The following SMARCA2 variants were observed in gnomAD, a reference collection of about 807,000 sequenced individuals.
SMARCA2 encodes SWI/SNF related BAF chromatin remodeling complex subunit ATPase 2.
A neutral mutation model predicts 199.8 loss-of-function variants in SMARCA2; 61 were observed. That is an observed-to-expected ratio of 0.31 (90% confidence interval 0.25 to 0.38). SMARCA2 has a LOEUF of 0.38. SMARCA2 is among the 10% of genes least tolerant of loss of function. The probability of loss-of-function intolerance (pLI) is 1.00; values close to 1 mark genes in which losing one functional copy is unlikely to be tolerated. For missense variants in SMARCA2, 1,344 were observed against 2,012.2 expected (o/e 0.67, Z 6.35); for synonymous variants, 935 against 732.0 (o/e 1.28, Z -4.48).
chr9:2,182,992 T>C (rs534594935), intron 31 of SMARCA2, among the ~76,000 whole-genome samples: 24 of 152,230 alleles, frequency 1.6e-4, no homozygotes, highest in South Asian at 4.1e-4. Flanking sequence ...GGTTTCACCA[T>C]GTTAGCCAGG....
intron 27 of SMARCA2, chr9:2,160,266 C>T: frequency 2.5e-6 from 1 of 393,838 alleles, no homozygotes; most frequent in Non-Finnish European, 4.5e-6. Context: ...ATCTCGCCTC[C>T]TTCATAGTGG....
chr9:2,139,514 T>G (rs546209618), intron 27 of SMARCA2, among the ~76,000 whole-genome samples: 7 of 152,230 alleles, frequency 4.6e-5, no homozygotes, highest in South Asian at 4.1e-4. Flanking sequence ...ATCACTAAAA[T>G]GAACATTTGT....
intron 7 of SMARCA2, 69 bp from the exon 8 acceptor site, chr9:2,058,222 A>C (rs1820439674): frequency 3.6e-6 from 5 of 1,381,272 alleles, no homozygotes; most frequent in East Asian, 2.3e-5. Flanking sequence ...CTTGGACAAC[A>C]CTGATAGCTC....
At chr9:2,164,242 A>T (rs1825832581) in intron 28 of SMARCA2, among the ~76,000 whole-genome samples, 1 of 152,194 alleles carries the variant, frequency 6.6e-6, no homozygotes, top group Non-Finnish European at 1.5e-5. Flanking sequence ...CTGTGGGCTG[A>T]CCACTTTCCT....
At position 2,161,869 on chromosome 9, in the gene SMARCA2, G is replaced by A. The variant is rs769712929; in HGVS notation, c.4165G>A (p.Ala1389Thr). 5.0e-6 allele frequency: 8 copies of A among 1,613,932 alleles called. No homozygotes were observed. Among genetic ancestry groups the A allele is most frequent in the African/African-American group, 1.3e-5 (1 of 74,932 alleles). Residue 1389 changes from alanine to threonine, a missense_variant, in exon 28 of 34, where the codon GCT becomes ACT. Coordinates refer to ENST00000349721, the MANE Select transcript of SMARCA2 (RefSeq NM_003070.5). This position sits in a 1 kb window ranked among gnomAD's most constrained non-coding sequence, Gnocchi z 4.7. ...NPPKLTKQMN[A>T]IIDTVINYKD... is the part of the protein sequence containing the mutation. ...CCCCAAACTGACAAAGCAGATGAAC[G>A]CTATCATCGATACTGTGATAAACTA...
At chr9:2,145,443 T>G (rs1824692336) in intron 27 of SMARCA2, among the ~76,000 whole-genome samples, 1 of 152,154 alleles carries the variant, frequency 6.6e-6, no homozygotes, top group Non-Finnish European at 1.5e-5. Flanking sequence ...TAGAAAGCTT[T>G]TGGCAATTTT....
Position 2,083,433 on chromosome 9 carries a change from T to G in SMARCA2, c.2415+20T>G. 6.4e-7 allele frequency: 1 copy of G among 1,552,004 alleles called. No individual in the cohort carries two copies. Among genetic ancestry groups the G allele is most frequent in the Non-Finnish European group, 8.8e-7 (1 of 1,134,794 alleles). On this transcript the variant is annotated intron_variant, in intron 16 of 33. Transcript: ENST00000349721. ...TACAAGGTTTGGAATGCTGTATTTA[T>G]ATATAAATGTGGAAAAGCAAAAAAT...
At chr9:2,062,667 G>C (rs1377779881) in intron 9 of SMARCA2, among the ~76,000 whole-genome samples, 1 of 152,052 alleles carries the variant, frequency 6.6e-6, no homozygotes, top group African/African-American at 2.4e-5. Context: ...CTTATTCTTT[G>C]TGTCTTATGC....
chr9:2,074,580 A>G (rs1210727352), intron 12 of SMARCA2, among the ~76,000 whole-genome samples: 1 of 152,240 alleles, frequency 6.6e-6, no homozygotes, highest in East Asian at 1.9e-4. Context: ...TTAAAAAGCA[A>G]ACATGGTTGG....
At position 2,158,144 on chromosome 9, in the gene SMARCA2, AAG is replaced by A. The variant is rs201551839; in HGVS notation, c.3982-3536_3982-3535del. 2.3e-3 allele frequency: 672 copies of A among 289,518 alleles called. 9 individuals are homozygous for A. The highest frequency in any genetic ancestry group is 0.015 in the African/African-American group (645 of 42,336). The allele number at this position is 289,518 out of a possible 1,614,324, so 17.9% of individuals were successfully genotyped here. A position where few individuals can be genotyped will look rare whatever the true frequency, so the allele number is the denominator to read the frequency against. ...TTTTAAGCAAAATTGAAAGAAAGAA[AAG>A]AGAGAAAGAGGGCCAAAAAAAAAAA... On this transcript the variant is annotated intron_variant, in intron 27 of 33. Coordinates refer to ENST00000349721, the MANE Select transcript of SMARCA2 (RefSeq NM_003070.5).
intron 27 of SMARCA2, among the ~76,000 whole-genome samples, chr9:2,140,950 C>G (rs892902965): frequency 6.6e-6 from 1 of 152,038 alleles, no homozygotes; most frequent in African/African-American, 2.4e-5. Flanking sequence ...TGGAGACCTG[C>G]ATTCTCACAC....
chr9:2,054,764 A>C (rs773974774), intron 6 of SMARCA2, 41 bp downstream of exon 6: 17 of 1,604,966 alleles, frequency 1.1e-5, no homozygotes, highest in Non-Finnish European at 6.8e-6. Context: ...GTAGGAAATA[A>C]ATGTAATTGT....
At chr9:2,030,869 C>T (rs941402840) in intron 2 of SMARCA2, among the ~76,000 whole-genome samples, 1 of 152,050 alleles carries the variant, frequency 6.6e-6, no homozygotes, top group Non-Finnish European at 1.5e-5. Flanking sequence ...GGCATCAGAG[C>T]CCAAAAGGGA....
chr9:2,110,381 A>G lies in SMARCA2; in HGVS notation c.3420A>G (p.Thr1140=). Residue 1140 remains threonine (T), a synonymous_variant, in exon 24 of 34, where the codon ACA becomes ACG. Coordinates refer to ENST00000349721, the MANE Select transcript of SMARCA2 (RefSeq NM_003070.5). This position sits in a 1 kb window ranked among gnomAD's most constrained non-coding sequence, Gnocchi z 4.8. ...GCTTAAATCTTCAGGCAGCTGATAC[A>G]GTGGTCATCTTTGACAGCGACTGGA... ...GLGLNLQAAD[T]VVIFDSDWNP... The G allele has an allele frequency of 6.2e-7, 1 of 1,613,354 alleles. No individual in the cohort carries two copies. The highest frequency in any genetic ancestry group is 8.5e-7 in the Non-Finnish European group (1 of 1,179,730).
chr9:2,172,939 G>C (rs970286165), intron 29 of SMARCA2, among the ~76,000 whole-genome samples: 25 of 152,210 alleles, frequency 1.6e-4, no homozygotes, highest in Middle Eastern at 3.2e-3. Context: ...GCATACATTA[G>C]GAGAATGTTG....
intron 27 of SMARCA2, among the ~76,000 whole-genome samples, chr9:2,139,594 T>C (rs748605640): frequency 1.3e-5 from 2 of 152,198 alleles, no homozygotes; most frequent in Non-Finnish European, 2.9e-5. Context: ...CCATTTTATC[T>C]GATGATTGAC....
rs1191977900 is a variant in SMARCA2 at position 2,192,880 on chromosome 9, G to C, written c.*141G>C. The C allele has an allele frequency of 1.0e-5, 7 of 668,822 alleles. No individual in the cohort carries two copies. Among genetic ancestry groups the C allele is most frequent in the Middle Eastern group, 2.9e-4 (1 of 3,470 alleles). The allele number at this position is 668,822 out of a possible 1,614,324, so 41.4% of individuals were successfully genotyped here. On this transcript the variant is annotated 3_prime_UTR_variant, in exon 34 of 34. Transcript: ENST00000349721. ...ATAAACTAGCTTTAGGATAGTGCCA[G>C]ACAAACATATGATATCATGGTGTAA...
intron 31 of SMARCA2, 70 bp downstream of exon 31, chr9:2,182,312 T>TGAAATA: frequency 1.1e-6 from 1 of 910,734 alleles, no homozygotes; most frequent in Non-Finnish European, 1.8e-6. Context: ...AAGTAGAATA[T>TGAAATA]TTCATTTTCT....
chr9:2,063,641 T>C (rs1209163014), intron 9 of SMARCA2, among the ~76,000 whole-genome samples: 3 of 152,340 alleles, frequency 2.0e-5, no homozygotes, highest in South Asian at 4.1e-4. Flanking sequence ...TACTGATTAC[T>C]CTAAGAAATG....
Sources: allele counts gnomAD v4.1 joint callset (sites outside exome capture counted in the v4.1 genomes callset), GRCh38; gene constraint gnomAD v4.1.1; non-coding constraint Gnocchi (gnomAD v3.1); transcripts MANE v1.5; gene names NCBI Gene and HGNC (gene_info 2026-07-23, HGNC 2026-07-21).